Variants in SLC22A5 observed in about 807,000 individuals in gnomAD.
The protein encoded by SLC22A5 is organic cation/carnitine transporter 2.
A neutral mutation model predicts 56.7 loss-of-function variants in SLC22A5; 44 were observed. The ratio of observed to expected loss-of-function variants is 0.78; its 90% CI spans 0.61 to 1.00. The LOEUF (loss-of-function observed/expected upper bound fraction) is 1.00, where lower values mean the gene tolerates loss of function less well. SLC22A5 is among the 50% of genes least tolerant of loss of function. The pLI, the probability that SLC22A5 is intolerant of heterozygous loss-of-function variation, is 0.00. For synonymous variants in SLC22A5, 278 were observed against 292.1 expected, an observed-to-expected ratio of 0.95 and a Z score of 0.49; for missense variants, 675 against 723.0, an observed-to-expected ratio of 0.93 and a Z score of 0.76.
rs2126764965 is a variant in SLC22A5 at position 132,370,098 on chromosome 5, G to T, written c.126G>T (p.Leu42=). Residue 42 remains leucine (L), a synonymous_variant, in exon 1 of 10, where the codon CTG becomes CTT. Transcript: ENST00000245407. ...NGFTGLSSVF[L]IATPEHRCRV... is the part of the protein sequence containing the mutation. ...TCACCGGCCTGTCCTCCGTGTTCCT[G>T]ATAGCGACCCCGGAGCACCGCTGCC... 6.2e-7 allele frequency: 1 copy of T among 1,612,466 alleles called. No homozygotes were observed. Among genetic ancestry groups the T allele is most frequent in the Non-Finnish European group, 8.5e-7 (1 of 1,179,528 alleles).
At chr5:132,392,764 T>G in intron 8 of SLC22A5, 149 bp downstream of exon 8, 1 of 735,614 alleles carries the variant, frequency 1.4e-6, no homozygotes, top group Non-Finnish European at 2.4e-6. Context: ...CCGGGAAGGG[T>G]TCTTGTCCCA....
At chr5:132,386,041 C>T (rs1036713381) in intron 4 of SLC22A5, among the ~76,000 whole-genome samples, 1 of 152,142 alleles carries the variant, frequency 6.6e-6, no homozygotes, top group Non-Finnish European at 1.5e-5. Context: ...ATCACCAGCC[C>T]AAGTGGAGCA....
intron 2 of SLC22A5, 52 bp from the exon 3 acceptor site, chr5:132,384,095 T>C: frequency 1.9e-6 from 3 of 1,598,618 alleles, no homozygotes; most frequent in Non-Finnish European, 2.6e-6. Flanking sequence ...GTGGAGCCCA[T>C]TCCTGCTGCC....
At chr5:132,386,141 C>A (rs1425483108) in intron 4 of SLC22A5, among the ~76,000 whole-genome samples, 1 of 152,212 alleles carries the variant, frequency 6.6e-6, no homozygotes, top group Non-Finnish European at 1.5e-5. Context: ...CTGGTCCCAG[C>A]AAGGTGGAAA....
At position 132,372,805 on chromosome 5, in the gene SLC22A5, A is replaced by G. The variant is rs577208440; in HGVS notation, c.393+2440A>G. ...CATCAACATTCTAATGGCTTTTTCTATGGCCTGTTGTCTTTCAACCCAAAC... is the reference window on the plus strand; with the variant it reads ...CATCAACATTCTAATGGCTTTTTCTGTGGCCTGTTGTCTTTCAACCCAAAC... On this transcript the variant is annotated intron_variant, in intron 1 of 9. Transcript: ENST00000245407. Among the ~76,000 whole-genome samples the G allele has an allele frequency of 5.9e-5, 9 of 152,236 alleles. No homozygotes were observed. The East Asian group carries it at 9.6e-4, about 16-fold the overall frequency.
chr5:132,385,213 C>T, intron 3 of SLC22A5, 115 bp from the exon 4 acceptor site: 3 of 981,834 alleles, frequency 3.1e-6, no homozygotes, highest in Non-Finnish European at 4.9e-6. Context: ...GCGCCATGAA[C>T]TTAGAGAGAG....
intron 8 of SLC22A5, 143 bp downstream of exon 8, chr5:132,392,758 G>T: frequency 5.3e-6 from 4 of 753,816 alleles, no homozygotes; most frequent in South Asian, 4.4e-5. Flanking sequence ...CTTTGGCCGG[G>T]AAGGGTTCTT....
At chr5:132,390,932 G>T (rs1409323237) in intron 7 of SLC22A5, 28 bp downstream of exon 7, 1 of 1,574,046 alleles carries the variant, frequency 6.4e-7, no homozygotes, top group South Asian at 1.1e-5. Flanking sequence ...CTATGGTTTG[G>T]GGTCTTCACT....
intron 7 of SLC22A5, among the ~76,000 whole-genome samples, chr5:132,391,512 A>T (rs1165982586): frequency 2.6e-5 from 4 of 152,210 alleles, no homozygotes; most frequent in African/African-American, 9.6e-5. Context: ...ACATAAAGTG[A>T]CAGAAAGCCC....
chr5:132,381,883 A>G (rs1752359563), intron 2 of SLC22A5: 1 of 152,094 alleles, frequency 6.6e-6, no homozygotes, highest in Admixed American at 6.5e-5. Context: ...CTTCCCTACC[A>G]TCCCAGGGAG....
At chr5:132,383,896 A>G (rs2126781856) in intron 2 of SLC22A5, 2 of 552,422 alleles carry the variant, frequency 3.6e-6, no homozygotes, top group African/African-American at 1.9e-5. Context: ...AGTCTCTTGC[A>G]ATCATTATCA....
rs928845278 is a variant in SLC22A5 at position 132,395,029 on chromosome 5, A to G, written c.*757A>G. On this transcript the variant is annotated 3_prime_UTR_variant, in exon 10 of 10. Coordinates refer to ENST00000245407, the MANE Select transcript of SLC22A5 (RefSeq NM_003060.4). ...AACCTCCTTGCTACTATAGCGTCTT[A>G]TGTATGGTTTAAAGGAAATTTATCA... The G allele has an allele frequency of 2.6e-5, 4 of 152,318 alleles. No individual in the cohort carries two copies. Among genetic ancestry groups the G allele is most frequent in the African/African-American group, 7.2e-5 (3 of 41,424 alleles). The allele number at this position is 152,318 out of a possible 1,614,324, so 9.4% of individuals were successfully genotyped here. A position where few individuals can be genotyped will look rare whatever the true frequency, so the allele number is the denominator to read the frequency against.
Position 132,388,999 on chromosome 5 carries a change from A to G in SLC22A5, c.1030A>G (p.Thr344Ala), listed in dbSNP as rs2126788117. ...LLRTWNIRMV[T>A]IMSIMLWMTI... ...TCGAACCTGGAATATCCGGATGGTC[A>G]CCATCATGTCCATAATGCTGTGGTA... Residue 344 changes from threonine to alanine, a missense_variant, in exon 6 of 10, where the codon ACC becomes GCC. Coordinates refer to ENST00000245407, the MANE Select transcript of SLC22A5 (RefSeq NM_003060.4). 1.9e-6 allele frequency: 3 copies of G among 1,613,090 alleles called. No homozygotes were observed. Among genetic ancestry groups the G allele is most frequent in the South Asian group, 1.1e-5 (1 of 91,064 alleles).
intron 5 of SLC22A5, among the ~76,000 whole-genome samples, chr5:132,387,363 CTT>C (rs1752570448): frequency 6.6e-6 from 1 of 150,964 alleles, no homozygotes; most frequent in Admixed American, 6.6e-5. Flanking sequence ...CTGCCTCACT[CTT>C]TTCACCACGG....
chr5:132,393,494 C>T (rs945961079), intron 8 of SLC22A5, among the ~76,000 whole-genome samples, 182 bp from the exon 9 acceptor site: 2 of 152,198 alleles, frequency 1.3e-5, no homozygotes, highest in Non-Finnish European at 2.9e-5. Flanking sequence ...CATGCCTGTG[C>T]CAGCTCTGGG....
intron 4 of SLC22A5, among the ~76,000 whole-genome samples, chr5:132,386,183 TA>T (rs1469247797): frequency 3.3e-5 from 5 of 152,180 alleles, no homozygotes; most frequent in Non-Finnish European, 7.3e-5. Flanking sequence ...AGTGCCTTGA[TA>T]AACATGCTAA....
chr5:132,392,702 A>G (rs2126791763), intron 8 of SLC22A5, 87 bp downstream of exon 8: 2 of 1,179,214 alleles, frequency 1.7e-6, no homozygotes, highest in East Asian at 4.8e-5. Flanking sequence ...GCGTGTTAAC[A>G]GGAAAACAAG....
intron 1 of SLC22A5, among the ~76,000 whole-genome samples, chr5:132,374,657 C>A (rs1752068886): frequency 6.6e-6 from 1 of 152,062 alleles, no homozygotes; most frequent in South Asian, 2.1e-4. Context: ...GTAGACACAT[C>A]TGGCCATGAG....
At chr5:132,392,120 G>A (rs1177400142) in intron 7 of SLC22A5, among the ~76,000 whole-genome samples, 2 of 152,174 alleles carry the variant, frequency 1.3e-5, no homozygotes, top group Non-Finnish European at 2.9e-5. Flanking sequence ...AGGTTCTGGG[G>A]TGACAGTTAA....
Sources: gnomAD v4.1 joint callset for allele counts (sites outside exome capture counted in the v4.1 genomes callset) on GRCh38, gnomAD v4.1.1 for gene constraint, MANE v1.5 for transcripts, NCBI Gene and HGNC (gene_info 2026-07-23, HGNC 2026-07-21) for gene names.